Variants in PPARGC1A observed in about 807,000 individuals in gnomAD.
The protein encoded by PPARGC1A is peroxisome proliferator-activated receptor gamma coactivator 1-alpha.
Under a neutral mutation model 88.7 loss-of-function variants are expected in PPARGC1A, and 25 were observed. The ratio of observed to expected loss-of-function variants is 0.28; its 90% CI spans 0.21 to 0.39. The LOEUF is 0.39. PPARGC1A is among the 10% of genes least tolerant of loss of function. PPARGC1A has a pLI of 1.00. For missense variants in PPARGC1A, 880 were observed against 968.7 expected, an observed-to-expected ratio of 0.91 and a Z score of 1.22; for synonymous variants, 363 against 355.6, an observed-to-expected ratio of 1.02 and a Z score of -0.24.
chr4:24,232,284 C>T, the PPARGC1A span, among the ~76,000 whole-genome samples: 1 of 152,052 alleles, frequency 6.6e-6, no homozygotes, highest in Non-Finnish European at 1.5e-5. Context: ...AGTAACCCCG[C>T]GAAATCACAT....
chr4:24,247,674 G>A, the PPARGC1A span, among the ~76,000 whole-genome samples: 1 of 152,168 alleles, frequency 6.6e-6, no homozygotes, highest in Admixed American at 6.5e-5. Context: ...GCCAGGATTG[G>A]CTGGGTAAGT....
the PPARGC1A span, among the ~76,000 whole-genome samples, chr4:24,338,745 GCAACAAAGATGGTCTCAAA>G: frequency 7.3e-5 from 11 of 151,692 alleles, no homozygotes; most frequent in Non-Finnish European, 1.3e-4. Flanking sequence ...CTATGTAATA[GCAACAAAGATGGTCTCAAA>G]CACAGCTTTC....
the PPARGC1A span, among the ~76,000 whole-genome samples, chr4:24,312,249 A>G: frequency 1.1e-4 from 17 of 152,012 alleles, no homozygotes; most frequent in Admixed American, 6.6e-4. Flanking sequence ...GTTTACCTAA[A>G]CTTCTCCCTT....
At chr4:23,849,068 C>G (rs560037916) in intron 2 of PPARGC1A, among the ~76,000 whole-genome samples, 40 of 152,158 alleles carry the variant, frequency 2.6e-4, no homozygotes, top group African/African-American at 9.2e-4. Flanking sequence ...GGCATGAACC[C>G]GGGAGGCAGA....
At chr4:24,175,820 G>GA in the PPARGC1A span, among the ~76,000 whole-genome samples, 4 of 151,620 alleles carry the variant, frequency 2.6e-5, no homozygotes, top group East Asian at 3.9e-4. Context: ...TTACTCAACA[G>GA]AAAAAAACAT....
At chr4:24,340,356 G>A in the PPARGC1A span, among the ~76,000 whole-genome samples, 10,489 of 152,120 alleles carry the variant, frequency 0.069, 521 homozygotes, top group East Asian at 0.14. Context: ...CTACTTAAAC[G>A]GCTTATTGAA....
At chr4:24,194,138 A>AG in the PPARGC1A span, among the ~76,000 whole-genome samples, 1 of 151,646 alleles carries the variant, frequency 6.6e-6, no homozygotes, top group Non-Finnish European at 1.5e-5. Flanking sequence ...TCAAAAAAAA[A>AG]AAAAAAAGTA....
At chr4:24,322,124 A>G in the PPARGC1A span, among the ~76,000 whole-genome samples, 1 of 152,222 alleles carries the variant, frequency 6.6e-6, no homozygotes, top group African/African-American at 2.4e-5. Context: ...ACCGAGTTAA[A>G]ATCGCCTCAA....
chr4:24,295,863 A>C, the PPARGC1A span, among the ~76,000 whole-genome samples: 1 of 151,176 alleles, frequency 6.6e-6, no homozygotes, highest in African/African-American at 2.4e-5. Flanking sequence ...TGTCATCAAG[A>C]ATGTCTCAAT....
chr4:24,355,477 T>G, the PPARGC1A span, among the ~76,000 whole-genome samples: 1 of 152,126 alleles, frequency 6.6e-6, no homozygotes, highest in Non-Finnish European at 1.5e-5. Context: ...CCCTCTCCCC[T>G]TCTGTAAATT....
At chr4:24,436,052 C>T in the PPARGC1A span, among the ~76,000 whole-genome samples, 6 of 152,316 alleles carry the variant, frequency 3.9e-5, no homozygotes, top group East Asian at 1.2e-3. Flanking sequence ...CACTGTCACT[C>T]CTCAACCACT....
chr4:24,066,635 C>G, the PPARGC1A span, among the ~76,000 whole-genome samples: 9 of 152,064 alleles, frequency 5.9e-5, no homozygotes, highest in Non-Finnish European at 1.3e-4. Context: ...CCCCAGGCTC[C>G]GATAGGGGAA....
intron 10 of PPARGC1A, 113 bp from the exon 11 acceptor site, chr4:23,802,458 T>C (rs878926702): frequency 3.8e-6 from 5 of 1,314,658 alleles, no homozygotes; most frequent in African/African-American, 1.5e-5. Context: ...GGCAGGTGGA[T>C]CATGAGGTCA....
the PPARGC1A span, among the ~76,000 whole-genome samples, chr4:24,346,467 G>T: frequency 6.6e-6 from 1 of 151,934 alleles, no homozygotes; most frequent in African/African-American, 2.4e-5. Context: ...GCTTGTTTTT[G>T]GTCTGTTCAG....
the PPARGC1A span, among the ~76,000 whole-genome samples, chr4:24,241,838 CA>C: frequency 6.6e-6 from 1 of 152,118 alleles, no homozygotes; most frequent in African/African-American, 2.4e-5. Context: ...ATGAACAATC[CA>C]AAACAGCAGA....
chr4:24,382,473 G>A, the PPARGC1A span, among the ~76,000 whole-genome samples: 54 of 152,048 alleles, frequency 3.6e-4, no homozygotes, highest in African/African-American at 1.2e-3. Flanking sequence ...GAACAACTGG[G>A]GACCAAAACC....
intron 2 of PPARGC1A, among the ~76,000 whole-genome samples, chr4:23,867,395 G>T (rs574503823): frequency 6.6e-6 from 1 of 152,158 alleles, no homozygotes; most frequent in African/African-American, 2.4e-5. Context: ...TGATAAATGG[G>T]TCAGTTTAAG....
the PPARGC1A span, among the ~76,000 whole-genome samples, chr4:24,002,089 C>CAGAG: frequency 7.3e-6 from 1 of 136,928 alleles, no homozygotes; most frequent in African/African-American, 3.1e-5. Flanking sequence ...CACACACACA[C>CAGAG]ACACACACAG....
the PPARGC1A span, among the ~76,000 whole-genome samples, chr4:24,097,040 G>A: frequency 2.0e-5 from 3 of 152,176 alleles, no homozygotes; most frequent in South Asian, 6.2e-4. Context: ...GTCACAGTAA[G>A]CTATGATGGT....
Sources: gnomAD v4.1 joint callset for allele counts (sites outside exome capture counted in the v4.1 genomes callset) on GRCh38, gnomAD v4.1.1 for gene constraint, MANE v1.5 for transcripts, NCBI Gene and HGNC (gene_info 2026-07-23, HGNC 2026-07-21) for gene names.